The following SMARCA4 variants were observed in gnomAD, a reference collection of about 807,000 sequenced individuals.
SMARCA4 encodes the protein SWI/SNF-related matrix-associated actin-dependent regulator of chromatin subfamily A member 4.
SMARCA4 carries 31 observed loss-of-function variants against 193.9 expected under a neutral mutation model. The ratio of observed to expected loss-of-function variants is 0.16; its 90% CI spans 0.12 to 0.22. The LOEUF (loss-of-function observed/expected upper bound fraction) is 0.22, where lower values mean the gene tolerates loss of function less well. Ranked by LOEUF, SMARCA4 falls within the 10% of genes least tolerant of loss-of-function variation. The pLI is 1.00. For missense variants in SMARCA4, 1,148 were observed against 2,296.0 expected (o/e 0.50, Z 10.22); for synonymous variants, 942 against 933.1 (o/e 1.01, Z -0.17).
chr19:10,986,925 C>G lies in SMARCA4; in HGVS notation c.781C>G (p.Pro261Ala). Residue 261 changes from proline to alanine, a missense_variant, in exon 5 of 35, where the codon CCT becomes GCT. Physicochemically the swap from Pro to Ala is conservative, Grantham distance 27. Coordinates refer to ENST00000344626, the MANE Select transcript of SMARCA4 (RefSeq NM_003072.5). The surrounding 1 kb of genome is among the most constrained non-coding windows in gnomAD (Gnocchi z 6.7). Reference sequence around the variant, plus strand: ...TGTAGGTATGGGAGGGCCCAACATGCCTCCCCCAGGACCCTCGGGCGTGCC... The same window carrying G: ...TGTAGGTATGGGAGGGCCCAACATGGCTCCCCCAGGACCCTCGGGCGTGCC... Reference protein sequence around the residue: ...RPHGMGGPNMPPPGPSGVPPG... With the variant: ...RPHGMGGPNMAPPGPSGVPPG... 6.2e-7 allele frequency: 1 copy of G among 1,612,534 alleles called. No individual in the cohort carries two copies. Among genetic ancestry groups the G allele is most frequent in the South Asian group, 1.1e-5 (1 of 91,070 alleles).
chr19:11,010,563 G>A (rs201710172), intron 15 of SMARCA4, 32 bp downstream of exon 15: 169 of 1,607,186 alleles, frequency 1.1e-4, no homozygotes, highest in South Asian at 2.3e-4. Flanking sequence ...CCACCGCCAC[G>A]TAGCTGCCTC....
intron 8 of SMARCA4, 150 bp downstream of exon 8, chr19:10,991,473 A>G: frequency 7.7e-7 from 1 of 1,300,882 alleles, no homozygotes; most frequent in South Asian, 1.3e-5. Context: ...AGGTACTGAG[A>G]GTGTATTGGT....
At chr19:11,055,005 A>T (rs1488895516) in intron 30 of SMARCA4, among the ~76,000 whole-genome samples, 3 of 152,058 alleles carry the variant, frequency 2.0e-5, no homozygotes, top group African/African-American at 7.2e-5. Context: ...GTCCCTCTTT[A>T]ATATAGAGGT....
intron 11 of SMARCA4, among the ~76,000 whole-genome samples, chr19:10,997,399 C>T (rs1349686921): frequency 7.2e-5 from 11 of 152,028 alleles, no homozygotes; most frequent in South Asian, 2.1e-4. Context: ...GGGATTTCAC[C>T]GTGTTAGCCA....
chr19:10,988,281 T>C (rs926854012), intron 6 of SMARCA4, among the ~76,000 whole-genome samples: 1 of 152,142 alleles, frequency 6.6e-6, no homozygotes, highest in Non-Finnish European at 1.5e-5. Context: ...CCACCACACC[T>C]GGCTAATTTT....
chr19:11,057,882 C>CA (rs1298651620), intron 30 of SMARCA4, among the ~76,000 whole-genome samples: 10 of 151,870 alleles, frequency 6.6e-5, no homozygotes, highest in Admixed American at 6.6e-4. Context: ...GCGGGCTGAT[C>CA]ACCTGAGGTC....
Position 10,986,915 on chromosome 19 carries a change from G to T in SMARCA4, c.771G>T (p.Gly257=). ...TCTCCCTACATGTAGGTATGGGAGG[G>T]CCCAACATGCCTCCCCCAGGACCCT... ...PNYSRPHGMG[G]PNMPPPGPSG... The change falls in exon 5 of 35, where the codon GGG becomes GGT. Residue 257 remains glycine, a synonymous_variant. Coordinates refer to ENST00000344626, the MANE Select transcript of SMARCA4 (RefSeq NM_003072.5). This position sits in a 1 kb window ranked among gnomAD's most constrained non-coding sequence, Gnocchi z 6.7. 1.9e-6 allele frequency: 3 copies of T among 1,611,990 alleles called. No individual in the cohort carries two copies. Among genetic ancestry groups the T allele is most frequent in the Non-Finnish European group, 2.5e-6 (3 of 1,178,928 alleles).
At chr19:10,976,339 G>A (rs1172324322) in intron 1 of SMARCA4, among the ~76,000 whole-genome samples, 1 of 152,156 alleles carries the variant, frequency 6.6e-6, no homozygotes, top group African/African-American at 2.4e-5. Context: ...AGCTTCTACA[G>A]GGCTGGCCTC....
chr19:11,053,731 G>A (rs1436685431), intron 30 of SMARCA4, among the ~76,000 whole-genome samples: 2 of 152,070 alleles, frequency 1.3e-5, no homozygotes, highest in Non-Finnish European at 2.9e-5. Context: ...GCAACCTAGT[G>A]AGACCCCATC....
At chr19:10,983,863 C>T (rs1482763330) in intron 1 of SMARCA4, among the ~76,000 whole-genome samples, 1 of 152,030 alleles carries the variant, frequency 6.6e-6, no homozygotes, top group Non-Finnish European at 1.5e-5. Flanking sequence ...GGCAGGAGCC[C>T]CTGAAGGCCC....
At chr19:11,046,262 T>C (rs1433157454) in intron 30 of SMARCA4, among the ~76,000 whole-genome samples, 1 of 151,888 alleles carries the variant, frequency 6.6e-6, no homozygotes, top group Non-Finnish European at 1.5e-5. Flanking sequence ...CTCTTACTGC[T>C]AAGTGACTGC....
intron 30 of SMARCA4, among the ~76,000 whole-genome samples, chr19:11,057,584 C>G (rs544449535): frequency 2.6e-5 from 4 of 152,066 alleles, no homozygotes; most frequent in African/African-American, 9.6e-5. Flanking sequence ...CAAAAATTAG[C>G]CGGGTGTGGT....
In SMARCA4 at chr19:10,985,745, C is replaced by T. The variant is rs973955094; in HGVS notation, c.355+340C>T. On this transcript the variant is annotated intron_variant, in intron 3 of 34. Coordinates refer to ENST00000344626, the MANE Select transcript of SMARCA4 (RefSeq NM_003072.5). The surrounding 1 kb of genome is among the most constrained non-coding windows in gnomAD (Gnocchi z 4.5). Reference sequence around the variant, plus strand: ...GGCCTGGGACTCTGCTTTAATGAGCCCAGCAGGTGCCTTTTCTGTACGAGG... The same window carrying T: ...GGCCTGGGACTCTGCTTTAATGAGCTCAGCAGGTGCCTTTTCTGTACGAGG... 1.3e-5 allele frequency among the ~76,000 whole-genome samples: 2 copies of T among 152,152 alleles called. No homozygotes were observed. The highest frequency in any genetic ancestry group is 4.8e-5 in the African/African-American group (2 of 41,428).
intron 9 of SMARCA4, chr19:10,995,908 G>A (rs1022343308): frequency 2.2e-6 from 1 of 452,840 alleles, no homozygotes; most frequent in Non-Finnish European, 4.2e-6. Flanking sequence ...CCTTGGACTT[G>A]GTGGAGAGAA....
In SMARCA4 at chr19:10,983,145, A is replaced by T. The variant is rs569875152; in HGVS notation, c.-31-976A>T. ...CTTCAGCCAGCGAGGGCCTTCAGCCAGCGAGGCGGAGAAGCCTCTTTACAG... is the reference window on the plus strand; with the variant it reads ...CTTCAGCCAGCGAGGGCCTTCAGCCTGCGAGGCGGAGAAGCCTCTTTACAG... On this transcript the variant is annotated intron_variant, in intron 1 of 34. Transcript: ENST00000344626. Among the ~76,000 whole-genome samples, 7 of 152,350 alleles carry T rather than the reference A, an allele frequency of 4.6e-5. No homozygotes were observed. The East Asian group carries it at 1.3e-3, about 29-fold the overall frequency.
intron 16 of SMARCA4, among the ~76,000 whole-genome samples, chr19:11,016,800 G>T (rs1336600231): frequency 6.6e-6 from 1 of 152,034 alleles, no homozygotes; most frequent in Non-Finnish European, 1.5e-5. Flanking sequence ...TCTGTCCTTT[G>T]ACACGCCCCC....
intron 30 of SMARCA4, among the ~76,000 whole-genome samples, chr19:11,048,026 C>T (rs1187095431): frequency 6.6e-6 from 1 of 152,042 alleles, no homozygotes; most frequent in Non-Finnish European, 1.5e-5. Flanking sequence ...CTGTCAGATC[C>T]CTGGAAGCTT....
intron 16 of SMARCA4, 79 bp downstream of exon 16, chr19:11,013,191 A>C (rs2089024374): frequency 6.7e-7 from 1 of 1,502,210 alleles, no homozygotes; most frequent in African/African-American, 1.4e-5. Context: ...CCGCAGTAGA[A>C]TACCACAAAC....
chr19:10,978,948 C>CTAAA (rs1009729297), intron 1 of SMARCA4, among the ~76,000 whole-genome samples: 7 of 151,888 alleles, frequency 4.6e-5, no homozygotes, highest in East Asian at 1.9e-4. Context: ...GACTCTGTCT[C>CTAAA]TAAATAAATA....
Sources: gnomAD v4.1 joint callset for allele counts (sites outside exome capture counted in the v4.1 genomes callset) on GRCh38, gnomAD v4.1.1 for gene constraint, Gnocchi (gnomAD v3.1) non-coding constraint, MANE v1.5 for transcripts, NCBI Gene and HGNC (gene_info 2026-07-23, HGNC 2026-07-21) for gene names.